FRA10AC1: variants seen among roughly 807,000 people sequenced by gnomAD.
FRA10AC1 encodes the protein protein FRA10AC1.
A neutral mutation model predicts 56.5 loss-of-function variants in FRA10AC1; 43 were observed. The ratio of observed to expected loss-of-function variants is 0.76; its 90% CI spans 0.60 to 0.98. The LOEUF (loss-of-function observed/expected upper bound fraction) is 0.98, where lower values mean the gene tolerates loss of function less well. Ranked by LOEUF, FRA10AC1 falls within the 50% of genes least tolerant of loss-of-function variation. FRA10AC1 has a pLI of 0.00. For synonymous variants in FRA10AC1, 112 were observed against 110.5 expected, an observed-to-expected ratio of 1.01 and a Z score of -0.09; for missense variants, 346 against 351.8, an observed-to-expected ratio of 0.98 and a Z score of 0.13.
At chr10:93,685,389 G>A (rs1405635700) in intron 8 of FRA10AC1, 30 bp from the exon 9 acceptor site, 1 of 964,574 alleles carries the variant, frequency 1.0e-6, no homozygotes, top group Admixed American at 1.9e-5. Context: ...ATTAGCTATG[G>A]TAGTTGGTGA....
At chr10:93,681,662 T>C (rs1478767900) in intron 10 of FRA10AC1, 64 bp from the exon 11 acceptor site, 1 of 1,377,508 alleles carries the variant, frequency 7.3e-7, no homozygotes, top group Non-Finnish European at 9.5e-7. Flanking sequence ...AAAATAACCA[T>C]CATATGAACA....
intron 11 of FRA10AC1, among the ~76,000 whole-genome samples, chr10:93,678,285 C>T (rs752726893): frequency 1.3e-5 from 2 of 152,156 alleles, no homozygotes; most frequent in Admixed American, 1.3e-4. Context: ...TCTTGTTCTC[C>T]TCATACCTGC....
rs2058722545 is a variant in FRA10AC1, at chr10:93,669,115, T to C, written c.*711A>G. ...GATTATAACAAACTCTCTTAAGTGG[T>C]AGAGGTTAAGAAGGAAGCAAGAGAC... On this transcript the variant is annotated 3_prime_UTR_variant, in exon 14 of 14. Transcript: ENST00000359204. 1 of 151,912 alleles carries C rather than the reference T, an allele frequency of 6.6e-6. No homozygotes were observed. The highest frequency in any genetic ancestry group is 1.9e-4 in the East Asian group (1 of 5,180). 9.4% of individuals were successfully genotyped at this position (151,912 alleles called of 1,614,324 possible).
rs2059362836 is a variant in FRA10AC1, at chr10:93,702,563, C to G, written c.-189G>C. 4.3e-6 allele frequency: 1 copy of G among 233,440 alleles called. No individual in the cohort carries two copies. The highest frequency in any genetic ancestry group is 8.3e-6 in the Non-Finnish European group (1 of 120,628). 14.5% of individuals were successfully genotyped at this position (233,440 alleles called of 1,614,324 possible). ...CCGCCGCCGCCCGCAACCCGCCTCTCCCTACGGGTCCCGACTGGGCACCAC... is the reference window on the plus strand; with the variant it reads ...CCGCCGCCGCCCGCAACCCGCCTCTGCCTACGGGTCCCGACTGGGCACCAC... On this transcript the variant is annotated 5_prime_UTR_variant, in exon 1 of 14. Transcript: ENST00000359204.
At chr10:93,694,713 TAAAAAAA>T (rs10554752) in intron 5 of FRA10AC1, 141 bp downstream of exon 5, 186 of 240,296 alleles carry the variant, frequency 7.7e-4, no homozygotes, top group Middle Eastern at 1.1e-3. Flanking sequence ...GACTCCATCT[TAAAAAAA>T]AAAAAAAAAA....
chr10:93,672,639 AC>A (rs1319037721), intron 12 of FRA10AC1: 1 of 152,190 alleles, frequency 6.6e-6, no homozygotes, highest in Non-Finnish European at 1.5e-5. Flanking sequence ...CAGCTTTCTT[AC>A]ACCAGTTTTC....
At position 93,692,016 on chromosome 10, in the gene FRA10AC1, T is replaced by C; in HGVS notation, c.458A>G (p.Glu153Gly). Residue 153 changes from glutamate to glycine, a missense_variant, in exon 7 of 14, where the codon GAA (glutamate) becomes GGA (glycine). Physicochemically the swap from Glu to Gly is moderately conservative, Grantham distance 98. Coordinates refer to ENST00000359204, the MANE Select transcript of FRA10AC1 (RefSeq NM_145246.5). ...AATATGTGGAAAGCATACCTTATTT[T>C]CTTTATATTTACTGAGATCTGCTAT... Reference protein sequence around the residue: ...YCIADLSKYKENKFGFRWRVE... With the variant: ...YCIADLSKYKGNKFGFRWRVE... 6.4e-7 allele frequency: 1 copy of C among 1,566,314 alleles called. No homozygotes were observed. The highest frequency in any genetic ancestry group is 8.6e-7 in the Non-Finnish European group (1 of 1,160,180).
At chr10:93,679,805 G>A (rs2058902284) in intron 11 of FRA10AC1, among the ~76,000 whole-genome samples, 1 of 152,128 alleles carries the variant, frequency 6.6e-6, no homozygotes, top group Non-Finnish European at 1.5e-5. Flanking sequence ...TATAACAGTA[G>A]CCTATAAGAG....
intron 4 of FRA10AC1, among the ~76,000 whole-genome samples, chr10:93,696,861 A>C (rs1056771670): frequency 1.3e-5 from 2 of 152,164 alleles, no homozygotes; most frequent in Non-Finnish European, 2.9e-5. Flanking sequence ...GGAACAGAAA[A>C]CCAAACACCA....
chr10:93,678,795 C>T lies in FRA10AC1; in HGVS notation c.788-2104G>A, dbSNP rs539633463. ...CCTGCTGCAGTGAGCCAAGATCATG[C>T]CACTGTATTCCAGCACTCCAGCCTG... On this transcript the variant is annotated intron_variant, in intron 11 of 13. Transcript: ENST00000359204. Among the ~76,000 whole-genome samples, 36 of 151,828 alleles carry T rather than the reference C, an allele frequency of 2.4e-4. No individual in the cohort carries two copies. In the South Asian group the frequency reaches 6.7e-3, roughly 28 times the overall value.
intron 6 of FRA10AC1, 41 bp from the exon 7 acceptor site, chr10:93,692,134 C>A: frequency 7.3e-7 from 1 of 1,374,618 alleles, no homozygotes; most frequent in Non-Finnish European, 9.6e-7. Context: ...TTTAGAAACT[C>A]AACCATGGTT....
At chr10:93,675,708 AAAAAT>A (rs1204618672) in intron 12 of FRA10AC1, 5 of 342,586 alleles carry the variant, frequency 1.5e-5, no homozygotes, top group South Asian at 6.4e-5. Flanking sequence ...CCATCTCCAA[AAAAAT>A]AAAATAAAAT....
In FRA10AC1 at chr10:93,702,522, A is replaced by ACCACCACCGCCGCCGCCG. The variant is rs60832838; in HGVS notation, c.-149_-148insCGGCGGCGGCGGTGGTGG. ...GCCGCACAGCCTCGCCACAACCACC[A>ACCACCACCGCCGCCGCCG]CCGCCGCCGCCGCCGCCGCCGCCGC... is the stretch of plus-strand genomic sequence containing the variant. On this transcript the variant is annotated 5_prime_UTR_variant, in exon 1 of 14. Transcript: ENST00000359204. 7.2e-3 allele frequency: 1,548 copies of ACCACCACCGCCGCCGCCG among 216,004 alleles called. 238 individuals are homozygous for ACCACCACCGCCGCCGCCG. The highest frequency in any genetic ancestry group is 0.014 in the Middle Eastern group (7 of 512). The allele number at this position is 216,004 out of a possible 1,614,324, so 13.4% of individuals were successfully genotyped here.
intron 6 of FRA10AC1, 71 bp from the exon 7 acceptor site, chr10:93,692,164 C>A: frequency 9.9e-7 from 1 of 1,008,502 alleles, no homozygotes; most frequent in South Asian, 2.3e-5. Flanking sequence ...CAAGTGATGT[C>A]AAAGAATACA....
intron 9 of FRA10AC1, among the ~76,000 whole-genome samples, chr10:93,684,369 A>C (rs1003037756): frequency 6.6e-6 from 1 of 152,244 alleles, no homozygotes; most frequent in African/African-American, 2.4e-5. Flanking sequence ...TGTGTTCCAC[A>C]GGCACATTAA....
intron 4 of FRA10AC1, 104 bp from the exon 5 acceptor site, chr10:93,695,041 CT>C: frequency 1.5e-6 from 1 of 672,316 alleles, no homozygotes; most frequent in Non-Finnish European, 2.6e-6. Flanking sequence ...GTCTATTTAG[CT>C]TTTTAAAAAT....
intron 4 of FRA10AC1, among the ~76,000 whole-genome samples, chr10:93,697,741 C>T (rs1384602405): frequency 1.3e-5 from 2 of 151,844 alleles, no homozygotes; most frequent in African/African-American, 2.4e-5. Context: ...ACTGGATAGA[C>T]CTAATTTTAA....
At chr10:93,692,819 A>C (rs1050654065) in intron 5 of FRA10AC1, 90 bp from the exon 6 acceptor site, 3 of 661,172 alleles carry the variant, frequency 4.5e-6, no homozygotes, top group Non-Finnish European at 7.6e-6. Flanking sequence ...AAATTTTATT[A>C]AAAATATAAT....
chr10:93,677,140 C>T (rs550418609), intron 11 of FRA10AC1, among the ~76,000 whole-genome samples: 97 of 152,074 alleles, frequency 6.4e-4, no homozygotes, highest in African/African-American at 2.2e-3. Flanking sequence ...AAGAACACAA[C>T]ACAATTATGT....
Sources: gnomAD v4.1 joint callset for allele counts (sites outside exome capture counted in the v4.1 genomes callset) on GRCh38, gnomAD v4.1.1 for gene constraint, MANE v1.5 for transcripts, NCBI Gene and HGNC (gene_info 2026-07-23, HGNC 2026-07-21) for gene names.